The following CUX2 variants were observed in gnomAD, a reference collection of about 807,000 sequenced individuals.
The protein encoded by CUX2 is homeobox protein cut-like 2.
Under a neutral mutation model 144.8 loss-of-function variants are expected in CUX2, and 40 were observed. The ratio of observed to expected loss-of-function variants is 0.28; its 90% CI spans 0.21 to 0.36. CUX2 has a LOEUF of 0.36. Among genes scored for constraint, CUX2 ranks in the 10% least tolerant of loss-of-function variants. The probability of loss-of-function intolerance (pLI) is 1.00; values close to 1 mark genes in which losing one functional copy is unlikely to be tolerated. For missense variants in CUX2, 1,615 were observed against 1,994.0 expected, an observed-to-expected ratio of 0.81 and a Z score of 3.62; for synonymous variants, 827 against 875.6, an observed-to-expected ratio of 0.94 and a Z score of 0.98.
chr12:111,075,233 G>C (rs991333981), intron 1 of CUX2, among the ~76,000 whole-genome samples: 1 of 152,206 alleles, frequency 6.6e-6, no homozygotes, highest in South Asian at 2.1e-4. Context: ...CCAACTAGGC[G>C]GGCCGACCCT....
Position 111,347,767 on chromosome 12 carries a change from A to G in CUX2, c.3903A>G (p.Glu1301=), listed in dbSNP as rs764550276. ...QDKAQVRIKQ[E]QMEEDAEEEA... Reference sequence around the variant, plus strand: ...AGGCCCAAGTGAGGATCAAGCAGGAACAGATGGAGGAGGATGCTGAGGAAG... The same window carrying G: ...AGGCCCAAGTGAGGATCAAGCAGGAGCAGATGGAGGAGGATGCTGAGGAAG... The change falls in exon 22 of 22, where the codon GAA becomes GAG. Residue 1301 remains glutamate, a synonymous_variant. Coordinates refer to ENST00000261726, the MANE Select transcript of CUX2 (RefSeq NM_015267.4). The G allele has an allele frequency of 7.4e-5, 120 of 1,613,690 alleles. No homozygotes were observed. The highest frequency in any genetic ancestry group is 9.8e-5 in the Non-Finnish European group (116 of 1,179,944).
chr12:111,206,300 C>A (rs1880916509), intron 1 of CUX2, among the ~76,000 whole-genome samples: 1 of 152,154 alleles, frequency 6.6e-6, no homozygotes, highest in South Asian at 2.1e-4. Context: ...CCACTGCACG[C>A]CAGGCTGGAC....
At chr12:111,276,893 C>T (rs1018688403) in intron 4 of CUX2, among the ~76,000 whole-genome samples, 5 of 152,254 alleles carry the variant, frequency 3.3e-5, no homozygotes, top group South Asian at 2.1e-4. Context: ...GTGATCTGCC[C>T]GCCTTGGCCT....
rs747483061 is a variant in CUX2, at chr12:111,171,445, G to A, written c.64-42755G>A. ...AGGGGTTTCTTATGCACCAGTGGGA[G>A]TGGGTCTCTCTCTGACCCAATGCAA... is the stretch of plus-strand genomic sequence containing the variant. On this transcript the variant is annotated intron_variant, in intron 1 of 21. Coordinates refer to ENST00000261726, the MANE Select transcript of CUX2 (RefSeq NM_015267.4). This position sits in a 1 kb window ranked among gnomAD's most constrained non-coding sequence, Gnocchi z 5.0. 5.3e-5 allele frequency among the ~76,000 whole-genome samples: 8 copies of A among 152,318 alleles called. No individual in the cohort carries two copies. Among genetic ancestry groups the A allele is most frequent in the East Asian group, 1.9e-4 (1 of 5,176 alleles).
chr12:111,136,811 T>G (rs1388621471), intron 1 of CUX2, among the ~76,000 whole-genome samples: 7 of 152,204 alleles, frequency 4.6e-5, no homozygotes, highest in Admixed American at 6.5e-5. Flanking sequence ...CTTCCAGGAC[T>G]GGAAAGGTCA....
chr12:111,120,783 G>A (rs1874607744), intron 1 of CUX2, among the ~76,000 whole-genome samples: 1 of 152,088 alleles, frequency 6.6e-6, no homozygotes, highest in Admixed American at 6.5e-5. Flanking sequence ...ACTTTGATTT[G>A]CAATTTGAGA....
chr12:111,346,113 A>C (rs1235869788), intron 21 of CUX2, among the ~76,000 whole-genome samples: 2 of 147,874 alleles, frequency 1.4e-5, no homozygotes, highest in Non-Finnish European at 3.0e-5. Context: ...TCTCAAAAAA[A>C]AAAAAAGTTA....
intron 1 of CUX2, among the ~76,000 whole-genome samples, chr12:111,192,628 A>G (rs1879966652): frequency 6.6e-6 from 1 of 152,234 alleles, no homozygotes; most frequent in South Asian, 2.1e-4. Flanking sequence ...CCAGTTCATC[A>G]TCGCAGCCCA....
At position 111,347,745 on chromosome 12, in the gene CUX2, C is replaced by T. The variant is rs1888873556; in HGVS notation, c.3881C>T (p.Ala1294Val). The T allele has an allele frequency of 1.2e-6, 2 of 1,613,768 alleles. No individual in the cohort carries two copies. The highest frequency in any genetic ancestry group is 8.5e-7 in the Non-Finnish European group (1 of 1,179,940). ...ACACCCCTGACCACCCAGGACAAGG[C>T]CCAAGTGAGGATCAAGCAGGAACAG... Reference protein sequence around the residue: ...NSTPLTTQDKAQVRIKQEQME... With the variant: ...NSTPLTTQDKVQVRIKQEQME... The change falls in exon 22 of 22, where the codon GCC becomes GTC. Residue 1294 changes from alanine (A) to valine (V), a missense_variant. Around this residue, in one of 12 missense-constraint regions of CUX2, gnomAD observed 298 missense variants for 330.4 expected, o/e 0.90. Coordinates refer to ENST00000261726, the MANE Select transcript of CUX2 (RefSeq NM_015267.4).
intron 1 of CUX2, among the ~76,000 whole-genome samples, chr12:111,156,884 GC>G (rs1877410398): frequency 6.6e-6 from 1 of 150,870 alleles, no homozygotes; most frequent in East Asian, 2.0e-4. Flanking sequence ...TACTTGGGAA[GC>G]TGAGGCAGGA....
chr12:111,283,522 G>A lies in CUX2; in HGVS notation c.302-7896G>A, dbSNP rs115760268. On this transcript the variant is annotated intron_variant, in intron 4 of 21. Transcript: ENST00000261726. Reference sequence around the variant, plus strand: ...TCCACAGATGACGGGCACTGAAGCGGGAGCTCGGCGTGCTCAGATAACCCC... The same window carrying A: ...TCCACAGATGACGGGCACTGAAGCGAGAGCTCGGCGTGCTCAGATAACCCC... Among the ~76,000 whole-genome samples the A allele has an allele frequency of 3.4e-3, 514 of 152,244 alleles. 3 individuals carry two copies. Among genetic ancestry groups the A allele is most frequent in the African/African-American group, 0.012 (487 of 41,544 alleles).
In CUX2 at chr12:111,255,563, T is replaced by C. The variant is rs1883776676; in HGVS notation, c.223-8198T>C. On this transcript the variant is annotated intron_variant, in intron 3 of 21. Transcript: ENST00000261726. The surrounding 1 kb of genome is among the most constrained non-coding windows in gnomAD (Gnocchi z 4.1). ...CACCAGCCCCCAACCAAAGAATCGATTCTGAGTGGAGGCTGAGAAGCATGG... is the reference window on the plus strand; with the variant it reads ...CACCAGCCCCCAACCAAAGAATCGACTCTGAGTGGAGGCTGAGAAGCATGG... Among the ~76,000 whole-genome samples, 1 of 152,164 alleles carries C rather than the reference T, an allele frequency of 6.6e-6. No homozygotes were observed. The highest frequency in any genetic ancestry group is 1.5e-5 in the Non-Finnish European group (1 of 68,024).
chr12:111,167,385 A>G (rs1218677346), intron 1 of CUX2, among the ~76,000 whole-genome samples: 2 of 151,924 alleles, frequency 1.3e-5, no homozygotes, highest in Non-Finnish European at 2.9e-5. Flanking sequence ...CCCTAAGTAG[A>G]CCATGGGCTT....
intron 1 of CUX2, among the ~76,000 whole-genome samples, chr12:111,111,713 A>C (rs1232255448): frequency 6.6e-6 from 1 of 152,090 alleles, no homozygotes; most frequent in Non-Finnish European, 1.5e-5. Context: ...AGCACACCAC[A>C]CTCTGAGTAG....
intron 21 of CUX2, among the ~76,000 whole-genome samples, chr12:111,342,785 C>A (rs1333086947): frequency 1.3e-5 from 2 of 151,770 alleles, no homozygotes; most frequent in Non-Finnish European, 2.9e-5. Flanking sequence ...ATAATGAAAC[C>A]CCATTTCTTT....
chr12:111,086,547 C>T (rs1033465740), intron 1 of CUX2, among the ~76,000 whole-genome samples: 1 of 152,180 alleles, frequency 6.6e-6, no homozygotes, highest in Non-Finnish European at 1.5e-5. Flanking sequence ...GAGAAAGACA[C>T]TTAACATCAC....
intron 4 of CUX2, among the ~76,000 whole-genome samples, chr12:111,275,823 C>T (rs1026798718): frequency 6.6e-6 from 1 of 152,162 alleles, no homozygotes; most frequent in Admixed American, 6.5e-5. Context: ...TCAACACCTC[C>T]ACGCCACCAG....
chr12:111,291,291 G>A, intron 4 of CUX2, 127 bp from the exon 5 acceptor site: 3 of 1,177,392 alleles, frequency 2.5e-6, no homozygotes, highest in Non-Finnish European at 2.3e-6. Flanking sequence ...GAAAGTCCAT[G>A]CTACTTCCTG....
chr12:111,228,095 C>T (rs1010478808), intron 3 of CUX2, among the ~76,000 whole-genome samples: 13 of 152,214 alleles, frequency 8.5e-5, no homozygotes, highest in African/African-American at 2.7e-4. Context: ...TATGCAGACC[C>T]TGTGCAGTGC....
Sources: allele counts gnomAD v4.1 joint callset (sites outside exome capture counted in the v4.1 genomes callset), GRCh38; gene constraint gnomAD v4.1.1; regional missense constraint gnomAD v4.1.1; non-coding constraint Gnocchi (gnomAD v3.1); transcripts MANE v1.5; gene names NCBI Gene and HGNC (gene_info 2026-07-23, HGNC 2026-07-21).